MYO19: variants seen among roughly 807,000 people sequenced by gnomAD.
MYO19 encodes the protein myosin XIX, also known as unconventional myosin-XIX.
Under a neutral mutation model 129.2 loss-of-function variants are expected in MYO19, and 132 were observed. That is an observed-to-expected ratio of 1.02 (90% CI 0.89 to 1.18). MYO19 has a LOEUF of 1.18. MYO19 is among the 50% of genes most tolerant of loss of function. The pLI, the probability that MYO19 is intolerant of heterozygous loss-of-function variation, is 0.00. For synonymous variants in MYO19, 531 were observed against 477.2 expected (o/e 1.11, Z -1.47); for missense variants, 1,210 against 1,216.7 (o/e 0.99, Z 0.08).
At chr17:36,526,637 A>G (rs930851557) in intron 5 of MYO19, among the ~76,000 whole-genome samples, 7 of 152,304 alleles carry the variant, frequency 4.6e-5, no homozygotes, top group African/African-American at 1.7e-4. Context: ...CTATAATCTC[A>G]GCACTTTGGG....
rs139140305 is a variant in MYO19 at position 36,529,641 on chromosome 17, C to G, written c.13-1439G>C. Among the ~76,000 whole-genome samples, 270 of 152,254 alleles carry G rather than the reference C, an allele frequency of 1.8e-3. 1 individual carries two copies. Among genetic ancestry groups the G allele is most frequent in the African/African-American group, 6.3e-3 (261 of 41,556 alleles). On this transcript the variant is annotated intron_variant, in intron 3 of 25. Coordinates refer to ENST00000614623, the MANE Select transcript of MYO19 (RefSeq NM_001163735.2). ...TATAATGCACAAGGTAGGCTCTTGG[C>G]CTCCAGAGTAACTGCGGAGGTCAGA...
At chr17:36,498,840 C>T (rs1470441633) in intron 24 of MYO19, 1 of 592,822 alleles carries the variant, frequency 1.7e-6, no homozygotes, top group Non-Finnish European at 3.0e-6. Flanking sequence ...AAGTGTACAT[C>T]CCAGAGTTTG....
At chr17:36,507,539 G>GA (rs1361627636) in intron 15 of MYO19, 27 bp from the exon 16 acceptor site, 5 of 1,605,716 alleles carry the variant, frequency 3.1e-6, no homozygotes, top group Non-Finnish European at 4.3e-6. Context: ...GATGAGGTGG[G>GA]AGAAGGCAGC....
intron 7 of MYO19, 107 bp downstream of exon 7, chr17:36,515,751 C>G: frequency 7.9e-7 from 1 of 1,258,908 alleles, no homozygotes. Context: ...CACTCATCCT[C>G]CACCCCCACC....
chr17:36,509,064 A>C lies in MYO19; in HGVS notation c.1229T>G (p.Ile410Arg). 6.2e-7 allele frequency: 1 copy of C among 1,613,534 alleles called. No homozygotes were observed. The highest frequency in any genetic ancestry group is 8.5e-7 in the Non-Finnish European group (1 of 1,179,716). The change falls in exon 14 of 26, where the codon ATA becomes AGA. Residue 410 changes from isoleucine to arginine, a missense_variant and splice_region_variant. Ile to Arg is a moderately conservative substitution (Grantham distance 97). Coordinates refer to ENST00000614623, the MANE Select transcript of MYO19 (RefSeq NM_001163735.2). ...CADTDSWTTF[I>R]GLLDVYGFES... ...CCAGCACAGTGAGGCCTTGCTACCTATGAAAGTGGTCCACGAGTCGGTGTC... is the reference window on the plus strand; with the variant it reads ...CCAGCACAGTGAGGCCTTGCTACCTCTGAAAGTGGTCCACGAGTCGGTGTC...
At chr17:36,539,320 C>T (rs2074183007), upstream of MYO19, 1 of 166,970 alleles carries the variant, frequency 6.0e-6, no homozygotes, top group Non-Finnish European at 1.5e-5. Flanking sequence ...ATTGTCAATA[C>T]TTGTTTATTG....
intron 3 of MYO19, 76 bp from the exon 4 acceptor site, chr17:36,528,278 G>A: frequency 6.8e-7 from 1 of 1,461,616 alleles, no homozygotes; most frequent in South Asian, 1.3e-5. Context: ...GGAGGCCAAG[G>A]CGGGCAGGAC....
rs572849957 is a variant in MYO19, at chr17:36,496,512, A to G, written c.2758-106T>C. ...AAAATGCAAGAAGGTATGGACAAGT[A>G]CTAGTATTGGGGGCCACAGCAGGAT... On this transcript the variant is annotated intron_variant, in intron 25 of 25. Coordinates refer to ENST00000614623, the MANE Select transcript of MYO19 (RefSeq NM_001163735.2). 28 of 1,050,648 alleles carry G rather than the reference A, an allele frequency of 2.7e-5. No individual in the cohort carries two copies. In the East Asian group the frequency reaches 7.0e-4, roughly 26 times the overall value. The allele number at this position is 1,050,648 out of a possible 1,614,324, so 65.1% of individuals were successfully genotyped here. A position where few individuals can be genotyped will look rare whatever the true frequency, so the allele number is the denominator to read the frequency against.
intron 6 of MYO19, among the ~76,000 whole-genome samples, chr17:36,516,386 T>TC (rs952630533): frequency 1.1e-4 from 16 of 152,046 alleles, no homozygotes; most frequent in African/African-American, 3.6e-4. Context: ...ACTTTTTTTT[T>TC]CCGAGACGGA....
upstream of MYO19, chr17:36,543,474 G>GAA (rs2074211797): frequency 6.6e-6 from 1 of 152,078 alleles, no homozygotes; most frequent in Admixed American, 6.6e-5. Context: ...AATATTTGCC[G>GAA]GGTAATGACA....
At position 36,510,748 on chromosome 17, in the gene MYO19, C is replaced by T. The variant is rs201129675; in HGVS notation, c.1155G>A (p.Ala385=). 2.9e-5 allele frequency: 46 copies of T among 1,602,060 alleles called. No homozygotes were observed. Among genetic ancestry groups the T allele is most frequent in the Middle Eastern group, 1.7e-4 (1 of 6,050 alleles). ...RRDCLAKLIY[A]RLFDWLVSVI... is the part of the protein sequence containing the mutation. Reference sequence around the variant, plus strand: ...AAGGGGCCAGAGTAACTGCTCACCGCGCATAGATCAGTTTGGCCAGGCAGT... The same window carrying T: ...AAGGGGCCAGAGTAACTGCTCACCGTGCATAGATCAGTTTGGCCAGGCAGT... The change falls in exon 13 of 26, where the codon GCG becomes GCA. Residue 385 remains alanine, a splice_region_variant and synonymous_variant. Coordinates refer to ENST00000614623, the MANE Select transcript of MYO19 (RefSeq NM_001163735.2).
chr17:36,506,870 A>G, intron 17 of MYO19, 93 bp downstream of exon 17: 2 of 1,388,800 alleles, frequency 1.4e-6, no homozygotes, highest in Non-Finnish European at 9.5e-7. Context: ...TTCAGGAGAG[A>G]AAGGACTCAC....
intron 25 of MYO19, chr17:36,497,660 C>A: frequency 2.2e-6 from 1 of 451,978 alleles, no homozygotes; most frequent in Non-Finnish European, 2.9e-6. Context: ...TCTCGGCTCA[C>A]TGCAACCTCT....
chr17:36,528,603 A>G (rs2073639786), intron 3 of MYO19, among the ~76,000 whole-genome samples: 1 of 152,098 alleles, frequency 6.6e-6, no homozygotes, highest in Non-Finnish European at 1.5e-5. Flanking sequence ...GTATAGTAGA[A>G]GGAGACTCTG....
intron 2 of MYO19, chr17:36,541,932 T>G (rs1311245577): frequency 6.6e-6 from 1 of 152,158 alleles, no homozygotes; most frequent in Non-Finnish European, 1.5e-5. Flanking sequence ...CTTTGAAAAA[T>G]TATTTTGCCA....
Position 36,498,383 on chromosome 17 carries a change from A to C in MYO19, c.2640T>G (p.Phe880Leu), listed in dbSNP as rs1421872059. 6.2e-7 allele frequency: 1 copy of C among 1,613,872 alleles called. No homozygotes were observed. The highest frequency in any genetic ancestry group is 8.5e-7 in the Non-Finnish European group (1 of 1,179,892). The change falls in exon 25 of 26, where the codon TTT becomes TTG. Residue 880 changes from phenylalanine to leucine, a missense_variant. Phe to Leu is a conservative substitution (Grantham distance 22, BLOSUM62 0). Coordinates refer to ENST00000614623, the MANE Select transcript of MYO19 (RefSeq NM_001163735.2). ...LANTAMGVGS[F>L]QRKLVVWACL... is the part of the protein sequence containing the mutation. ...AAGCCCAGACCACTAATTTCCTCTG[A>C]AAGCTGCCTACACCCATAGCCGTAT...
intron 14 of MYO19, 194 bp from the exon 15 acceptor site, chr17:36,508,118 C>T (rs2072049307): frequency 2.0e-6 from 1 of 506,402 alleles, no homozygotes. Flanking sequence ...GCTCCCATCT[C>T]TACCCCATTC....
At chr17:36,537,192 T>C, upstream of MYO19, 1 of 1,614,190 alleles carries the variant, frequency 6.2e-7, no homozygotes, top group Non-Finnish European at 8.5e-7. Flanking sequence ...CTTTCCTGCA[T>C]TCTGTATCCT....
rs150656312 is a variant in MYO19, at chr17:36,508,937, AGAG to A, written c.1231+122_1231+124del. The A allele has an allele frequency of 7.4e-4, 570 of 771,712 alleles. 2 individuals are homozygous for A. In the African/African-American group the frequency reaches 8.3e-3, roughly 11 times the overall value. 47.8% of individuals were successfully genotyped at this position (771,712 alleles called of 1,614,324 possible). On this transcript the variant is annotated intron_variant, in intron 14 of 25. Coordinates refer to ENST00000614623, the MANE Select transcript of MYO19 (RefSeq NM_001163735.2). ...CGCTCTATGCTGGCAGGCAGATGCA[AGAG>A]GAGACAAAAAAGGGAAAGGAACTGC...
Sources: gnomAD v4.1 joint callset for allele counts (sites outside exome capture counted in the v4.1 genomes callset) on GRCh38, gnomAD v4.1.1 for gene constraint, MANE v1.5 for transcripts, NCBI Gene and HGNC (gene_info 2026-07-23, HGNC 2026-07-21) for gene names.